Variants in ZNF251 observed in about 807,000 individuals in gnomAD.
ZNF251 encodes zinc finger protein 251.
Under a neutral mutation model 13.5 loss-of-function variants are expected in ZNF251, and 14 were observed. The ratio of observed to expected loss-of-function variants is 1.04; its 90% CI spans 0.69 to 1.63. ZNF251 has a LOEUF of 1.63. Ranked by LOEUF, ZNF251 falls within the 40% of genes most tolerant of loss-of-function variation. ZNF251 has a pLI of 0.00. For synonymous variants in ZNF251, 287 were observed against 295.2 expected, an observed-to-expected ratio of 0.97 and a Z score of 0.28; for missense variants, 764 against 834.9, an observed-to-expected ratio of 0.92 and a Z score of 1.05.
intron 4 of ZNF251, among the ~76,000 whole-genome samples, chr8:144,737,221 C>T (rs1203832935): frequency 6.6e-6 from 1 of 151,912 alleles, no homozygotes; most frequent in Non-Finnish European, 1.5e-5. Flanking sequence ...CCTCAGCCTC[C>T]CGAGTAGCTA....
intron 4 of ZNF251, among the ~76,000 whole-genome samples, chr8:144,747,187 C>A (rs1824468551): frequency 6.6e-6 from 1 of 152,134 alleles, no homozygotes; most frequent in Non-Finnish European, 1.5e-5. Flanking sequence ...TCAAAATATT[C>A]TAAAATTTAT....
chr8:144,735,083 A>T (rs560882264), intron 4 of ZNF251, among the ~76,000 whole-genome samples: 2 of 149,458 alleles, frequency 1.3e-5, no homozygotes, highest in African/African-American at 2.5e-5. Flanking sequence ...AAAAAAATAA[A>T]AAAAAAAGAG....
chr8:144,733,880 G>A (rs1823799007), intron 4 of ZNF251, among the ~76,000 whole-genome samples: 2 of 152,236 alleles, frequency 1.3e-5, no homozygotes. Flanking sequence ...ACCGTTGCTG[G>A]GAGGGAGCGC....
Position 144,742,351 on chromosome 8 carries a change from A to G in ZNF251, c.277+11332T>C, listed in dbSNP as rs2466956. Among the ~76,000 whole-genome samples, 4,641 of 152,216 alleles carry G rather than the reference A, an allele frequency of 0.03. 459 individuals carry two copies. The East Asian group carries it at 0.37, about 12-fold the overall frequency. On this transcript the variant is annotated intron_variant, in intron 4 of 4. Transcript: ENST00000292562. ...CAGCTAGAAACTCAGATCATCAGAA[A>G]GGGATGAAGAGCACTAGAGATGGAA... is the stretch of plus-strand genomic sequence containing the variant.
intron 4 of ZNF251, 193 bp downstream of exon 4, chr8:144,753,490 A>G: frequency 1.8e-6 from 1 of 551,618 alleles, no homozygotes; most frequent in East Asian, 3.0e-5. Context: ...TTTTAAAGCA[A>G]AGAAACAGAC....
chr8:144,728,634 G>T (rs1823591338), intron 4 of ZNF251, among the ~76,000 whole-genome samples: 1 of 146,414 alleles, frequency 6.8e-6, no homozygotes, highest in South Asian at 2.2e-4. Context: ...CTGCACTCCA[G>T]TCTGGGCGAC....
chr8:144,729,091 A>G (rs77808308), intron 4 of ZNF251, among the ~76,000 whole-genome samples: 1 of 129,676 alleles, frequency 7.7e-6, no homozygotes, highest in African/African-American at 4.1e-5. Flanking sequence ...CATCTATGGA[A>G]AAAAAAAAAA....
At chr8:144,755,349 G>A in intron 1 of ZNF251, 56 bp downstream of exon 1, 1 of 1,274,994 alleles carries the variant, frequency 7.8e-7, no homozygotes, top group Non-Finnish European at 1.0e-6. Flanking sequence ...CCCTCCCCGC[G>A]CCCTCCCCGC....
At chr8:144,753,868 G>A (rs765903480) in intron 3 of ZNF251, 72 bp from the exon 4 acceptor site, 84 of 1,194,686 alleles carry the variant, frequency 7.0e-5, no homozygotes, top group Non-Finnish European at 9.4e-5. Flanking sequence ...GGAGAGATGG[G>A]CCCTGTGTGC....
intron 4 of ZNF251, chr8:144,738,722 G>C (rs2129996058): frequency 2.0e-6 from 2 of 985,230 alleles, no homozygotes; most frequent in East Asian, 1.1e-4. Flanking sequence ...TGTGGAAACA[G>C]GATGGTTTTC....
rs2722470 is a variant in ZNF251 at position 144,735,638 on chromosome 8, C to T, written c.278-12256G>A. Among the ~76,000 whole-genome samples, 3,897 of 152,186 alleles carry T rather than the reference C, an allele frequency of 0.026. 434 individuals carry two copies. In the East Asian group the frequency reaches 0.36, roughly 14 times the overall value. ...ACCGGGTGGGAAGGACGGGCGCACT[C>T]GGAGCCTCCGTGCCGTGGATACTCA... On this transcript the variant is annotated intron_variant, in intron 4 of 4. Coordinates refer to ENST00000292562, the MANE Select transcript of ZNF251 (RefSeq NM_138367.2).
chr8:144,755,451 G>C lies in ZNF251; in HGVS notation c.-122C>G, dbSNP rs1371484355. ...GCCACCGAGGAAGCGCCGAGGAGCT[G>C]CGCAGTCGCACCGAGCCCGGAACGG... On this transcript the variant is annotated 5_prime_UTR_variant, in exon 1 of 5. Transcript: ENST00000292562. 1 of 1,287,834 alleles carries C rather than the reference G, an allele frequency of 7.8e-7. No individual in the cohort carries two copies. The highest frequency in any genetic ancestry group is 1.0e-6 in the Non-Finnish European group (1 of 988,816). The allele number at this position is 1,287,834 out of a possible 1,614,324, so 79.8% of individuals were successfully genotyped here. A position where few individuals can be genotyped will look rare whatever the true frequency, so the allele number is the denominator to read the frequency against.
intron 4 of ZNF251, among the ~76,000 whole-genome samples, chr8:144,752,580 T>C (rs765464441): frequency 1.3e-5 from 2 of 152,232 alleles, no homozygotes; most frequent in African/African-American, 2.4e-5. Context: ...ATCTTAGCTC[T>C]TACATGTAGA....
intron 4 of ZNF251, among the ~76,000 whole-genome samples, chr8:144,733,046 A>C (rs1823768154): frequency 6.6e-6 from 1 of 151,334 alleles, no homozygotes; most frequent in South Asian, 2.1e-4. Context: ...ACATGGAGAA[A>C]CCCTGTCTCC....
intron 4 of ZNF251, among the ~76,000 whole-genome samples, chr8:144,750,016 T>TA (rs1824620861): frequency 6.6e-6 from 1 of 152,042 alleles, no homozygotes; most frequent in African/African-American, 2.4e-5. Context: ...TCCAGCTTCT[T>TA]AAAATTTTAA....
intron 3 of ZNF251, 116 bp downstream of exon 3, chr8:144,754,076 T>A: frequency 7.1e-7 from 1 of 1,406,252 alleles, no homozygotes; most frequent in Non-Finnish European, 9.5e-7. Flanking sequence ...GAGATCAGAC[T>A]GATACCCGGG....
At chr8:144,726,313 C>A (rs1270872411) in intron 4 of ZNF251, among the ~76,000 whole-genome samples, 4 of 151,516 alleles carry the variant, frequency 2.6e-5, no homozygotes, top group African/African-American at 9.7e-5. Context: ...GTGGGCAGAT[C>A]ACTTGAGGCT....
At chr8:144,732,166 C>T (rs1823717579) in intron 4 of ZNF251, among the ~76,000 whole-genome samples, 1 of 152,040 alleles carries the variant, frequency 6.6e-6, no homozygotes, top group Admixed American at 6.6e-5. Flanking sequence ...TTGTGTCAAA[C>T]TCCTGGCCTC....
At chr8:144,754,148 C>T (rs368480958) in intron 3 of ZNF251, 44 bp downstream of exon 3, 29 of 1,590,072 alleles carry the variant, frequency 1.8e-5, no homozygotes, top group Non-Finnish European at 2.4e-5. Flanking sequence ...CCAAGCTCCT[C>T]AGAGGCCCCC....
Sources: allele counts gnomAD v4.1 joint callset (sites outside exome capture counted in the v4.1 genomes callset), GRCh38; gene constraint gnomAD v4.1.1; transcripts MANE v1.5; gene names NCBI Gene and HGNC (gene_info 2026-07-23, HGNC 2026-07-21).